The following LHFPL6 variants were observed in gnomAD, a reference collection of about 807,000 sequenced individuals.
LHFPL6 encodes LHFPL tetraspan subfamily member 6 protein.
A neutral mutation model predicts 20.6 loss-of-function variants in LHFPL6; 9 were observed. The ratio of observed to expected loss-of-function variants is 0.44; its 90% CI spans 0.26 to 0.76. LHFPL6 has a LOEUF of 0.76. Among genes scored for constraint, LHFPL6 ranks in the 30% least tolerant of loss-of-function variants. The pLI is 0.20. For missense variants in LHFPL6, 218 were observed against 253.5 expected, an observed-to-expected ratio of 0.86 and a Z score of 0.95; for synonymous variants, 105 against 98.7, an observed-to-expected ratio of 1.06 and a Z score of -0.38.
intron 2 of LHFPL6, among the ~76,000 whole-genome samples, chr13:39,441,932 C>A (rs1238717302): frequency 6.8e-6 from 1 of 147,848 alleles, no homozygotes; most frequent in Non-Finnish European, 1.5e-5. Context: ...CAGGTTCAAG[C>A]GATTCTCCTG....
intron 2 of LHFPL6, among the ~76,000 whole-genome samples, chr13:39,561,324 A>G (rs374645110): frequency 5.5e-4 from 83 of 152,198 alleles, no homozygotes; most frequent in African/African-American, 1.9e-3. Flanking sequence ...TGATGTCTCC[A>G]GGGAATCTTG....
At chr13:39,447,704 C>T (rs9576804) in intron 2 of LHFPL6, among the ~76,000 whole-genome samples, 1 of 151,956 alleles carries the variant, frequency 6.6e-6, no homozygotes, top group Non-Finnish European at 1.5e-5. Flanking sequence ...GGTCACTCAA[C>T]GGTTGAGTTC....
chr13:39,369,459 T>C (rs1870097090), intron 3 of LHFPL6, among the ~76,000 whole-genome samples: 1 of 152,148 alleles, frequency 6.6e-6, no homozygotes, highest in South Asian at 2.1e-4. Context: ...GTTAGGCCAT[T>C]AGTCCCTTAA....
intron 2 of LHFPL6, among the ~76,000 whole-genome samples, chr13:39,480,939 T>C (rs1868488905): frequency 6.6e-6 from 1 of 152,338 alleles, no homozygotes; most frequent in East Asian, 1.9e-4. Context: ...GACATATTCA[T>C]AAGAACAAAA....
chr13:39,437,589 G>A (rs1176761983), intron 2 of LHFPL6, among the ~76,000 whole-genome samples: 4 of 152,134 alleles, frequency 2.6e-5, no homozygotes, highest in Admixed American at 2.0e-4. Flanking sequence ...TTGAGTCTCA[G>A]GTATTTCTTT....
rs577686222 is a variant in LHFPL6 at position 39,461,038 on chromosome 13, C to T, written c.386-82512G>A. Among the ~76,000 whole-genome samples, 7 of 152,272 alleles carry T rather than the reference C, an allele frequency of 4.6e-5. No individual in the cohort carries two copies. The East Asian group carries it at 1.4e-3, about 29-fold the overall frequency. ...GTGTCTATTGTTCCCCTCTTTGTGTCCATGTTTACTCAATGTTTAGCTCTC... is the reference window on the plus strand; with the variant it reads ...GTGTCTATTGTTCCCCTCTTTGTGTTCATGTTTACTCAATGTTTAGCTCTC... On this transcript the variant is annotated intron_variant, in intron 2 of 3. Transcript: ENST00000379589.
intron 2 of LHFPL6, among the ~76,000 whole-genome samples, chr13:39,419,909 G>T (rs974058474): frequency 6.6e-6 from 1 of 151,958 alleles, no homozygotes; most frequent in East Asian, 1.9e-4. Flanking sequence ...CTCTTAATAA[G>T]ATACATATTT....
At chr13:39,361,948 A>C (rs371652107) in intron 3 of LHFPL6, among the ~76,000 whole-genome samples, 3 of 152,208 alleles carry the variant, frequency 2.0e-5, no homozygotes, top group South Asian at 4.1e-4. Context: ...GGGATTGATA[A>C]ACCCAGTGTG....
At chr13:39,382,963 C>A (rs950948693) in intron 2 of LHFPL6, among the ~76,000 whole-genome samples, 1 of 152,064 alleles carries the variant, frequency 6.6e-6, no homozygotes, top group South Asian at 2.1e-4. Flanking sequence ...CGTTACAAAC[C>A]GTATGATCAG....
chr13:39,356,734 C>T (rs1304086193), intron 3 of LHFPL6, among the ~76,000 whole-genome samples: 1 of 152,214 alleles, frequency 6.6e-6, no homozygotes, highest in Admixed American at 6.5e-5. Context: ...CTATTATGAA[C>T]ATCTCCATGC....
intron 3 of LHFPL6, among the ~76,000 whole-genome samples, chr13:39,362,089 T>G (rs560750501): frequency 2.0e-5 from 3 of 152,244 alleles, no homozygotes; most frequent in Admixed American, 1.3e-4. Context: ...AATTTGAAGA[T>G]ATCTATGTGA....
At chr13:39,376,529 A>C (rs1324040291) in intron 3 of LHFPL6, among the ~76,000 whole-genome samples, 1 of 152,190 alleles carries the variant, frequency 6.6e-6, no homozygotes, top group Non-Finnish European at 1.5e-5. Flanking sequence ...TATTCGACGG[A>C]AGTAGAGTGG....
At chr13:39,478,608 GAATCAGTC>G (rs1868391077) in intron 2 of LHFPL6, among the ~76,000 whole-genome samples, 1 of 152,142 alleles carries the variant, frequency 6.6e-6, no homozygotes, top group Non-Finnish European at 1.5e-5. Flanking sequence ...ATTAGCATTT[GAATCAGTC>G]AACTCAGTAA....
intron 2 of LHFPL6, among the ~76,000 whole-genome samples, chr13:39,428,940 T>C (rs1871716878): frequency 6.6e-6 from 1 of 152,202 alleles, no homozygotes; most frequent in Admixed American, 6.5e-5. Flanking sequence ...TATTTAGAAA[T>C]GTCTTATTTC....
intron 2 of LHFPL6, among the ~76,000 whole-genome samples, chr13:39,445,373 G>A (rs774267526): frequency 1.3e-5 from 2 of 152,136 alleles, no homozygotes; most frequent in Admixed American, 6.5e-5. Context: ...TCAGGACTTT[G>A]TGAAGATTTA....
chr13:39,424,925 T>C (rs1195938856), intron 2 of LHFPL6, among the ~76,000 whole-genome samples: 1 of 152,160 alleles, frequency 6.6e-6, no homozygotes, highest in Non-Finnish European at 1.5e-5. Flanking sequence ...ACAAGCAACA[T>C]ATAATAAATG....
At chr13:39,398,674 C>G (rs747080648) in intron 2 of LHFPL6, among the ~76,000 whole-genome samples, 1 of 152,184 alleles carries the variant, frequency 6.6e-6, no homozygotes, top group Non-Finnish European at 1.5e-5. Flanking sequence ...GGCCACAGAC[C>G]GCTACCAGTC....
chr13:39,366,148 G>A (rs1870005356), intron 3 of LHFPL6, among the ~76,000 whole-genome samples: 3 of 152,084 alleles, frequency 2.0e-5, no homozygotes, highest in Admixed American at 2.0e-4. Flanking sequence ...ATGACATATT[G>A]ATTATTAAAT....
intron 2 of LHFPL6, among the ~76,000 whole-genome samples, chr13:39,582,237 T>C (rs1872309824): frequency 6.6e-6 from 1 of 152,178 alleles, no homozygotes; most frequent in African/African-American, 2.4e-5. Context: ...TGACAATCAG[T>C]TGCCAAGTCA....
Sources: allele counts gnomAD v4.1 joint callset (sites outside exome capture counted in the v4.1 genomes callset), GRCh38; gene constraint gnomAD v4.1.1; transcripts MANE v1.5; gene names NCBI Gene and HGNC (gene_info 2026-07-23, HGNC 2026-07-21).